CRTC3: variants seen among roughly 807,000 people sequenced by gnomAD.
CRTC3 encodes CREB regulated transcription coactivator 3.
Under a neutral mutation model 74.5 loss-of-function variants are expected in CRTC3, and 26 were observed. The observed-to-expected ratio is 0.35, with a 90% CI of 0.26 to 0.48. The LOEUF is 0.48. Ranked by LOEUF, CRTC3 falls within the 20% of genes least tolerant of loss-of-function variation. The probability of loss-of-function intolerance (pLI) is 0.99; values close to 1 mark genes in which losing one functional copy is unlikely to be tolerated. For synonymous variants in CRTC3, 377 were observed against 325.8 expected, an observed-to-expected ratio of 1.16 and a Z score of -1.69; for missense variants, 760 against 787.3, an observed-to-expected ratio of 0.97 and a Z score of 0.41.
intron 5 of CRTC3, among the ~76,000 whole-genome samples, chr15:90,605,669 G>T (rs189482063): frequency 2.0e-5 from 3 of 152,284 alleles, no homozygotes; most frequent in Admixed American, 2.0e-4. Context: ...CGCTCTTTCT[G>T]TTGCACTGTG....
intron 2 of CRTC3, among the ~76,000 whole-genome samples, chr15:90,574,816 T>A (rs959949532): frequency 1.3e-5 from 2 of 152,238 alleles, no homozygotes. Flanking sequence ...TGTTTTTTCC[T>A]GTTTATGAAC....
At chr15:90,624,853 G>C (rs1236202708) in intron 9 of CRTC3, 3 of 152,766 alleles carry the variant, frequency 2.0e-5, no homozygotes, top group Non-Finnish European at 4.4e-5. Context: ...ACTAGGCCTG[G>C]GGGGTGGCTA....
rs901691782 is a variant in CRTC3, at chr15:90,644,726, T to C, written c.*2586T>C. On this transcript the variant is annotated 3_prime_UTR_variant, in exon 15 of 15. Transcript: ENST00000268184. ...GGACTCACCACGGGCAGGGTCGCCC[T>C]GGCCCACAGCACGTGAGCCTGCACT... is the stretch of plus-strand genomic sequence containing the variant. The C allele has an allele frequency of 4.3e-6, 1 of 232,540 alleles. No individual in the cohort carries two copies. Among genetic ancestry groups the C allele is most frequent in the African/African-American group, 2.2e-5 (1 of 45,316 alleles). 14.4% of individuals were successfully genotyped at this position (232,540 alleles called of 1,614,324 possible). A position where few individuals can be genotyped will look rare whatever the true frequency, so the allele number is the denominator to read the frequency against.
rs1379758424 is a variant in CRTC3, at chr15:90,591,189, C to A, written c.232-2447C>A. On this transcript the variant is annotated intron_variant, in intron 2 of 14. Coordinates refer to ENST00000268184, the MANE Select transcript of CRTC3 (RefSeq NM_022769.5). ...GTGTTACCCAGGCTGGTCTTGAACT[C>A]CTGGCCTCAAGTGGTCCTCCCACCT... Among the ~76,000 whole-genome samples, 4 of 151,768 alleles carry A rather than the reference C, an allele frequency of 2.6e-5. No homozygotes were observed. The East Asian group carries it at 7.7e-4, about 29-fold the overall frequency.
At chr15:90,632,442 AG>A (rs1167337301) in intron 11 of CRTC3, among the ~76,000 whole-genome samples, 1 of 152,222 alleles carries the variant, frequency 6.6e-6, no homozygotes, top group Non-Finnish European at 1.5e-5. Flanking sequence ...TCTTAAAAAA[AG>A]GAAATTTTAA....
At chr15:90,599,800 A>G (rs1473729459) in intron 3 of CRTC3, among the ~76,000 whole-genome samples, 1 of 152,248 alleles carries the variant, frequency 6.6e-6, no homozygotes, top group African/African-American at 2.4e-5. Flanking sequence ...TCTAATTTGT[A>G]TTATCAGTAC....
chr15:90,604,489 T>C, intron 5 of CRTC3, 42 bp downstream of exon 5: 1 of 1,428,404 alleles, frequency 7.0e-7, no homozygotes, highest in South Asian at 1.1e-5. Flanking sequence ...TTTAAAGCAA[T>C]TTAACTGTCC....
At position 90,641,081 on chromosome 15, in the gene CRTC3, C is replaced by A; in HGVS notation, c.1549-16C>A. The A allele has an allele frequency of 1.3e-6, 2 of 1,572,036 alleles. No homozygotes were observed. Among genetic ancestry groups the A allele is most frequent in the Non-Finnish European group, 1.8e-6 (2 of 1,141,938 alleles). On this transcript the variant is annotated splice_polypyrimidine_tract_variant and intron_variant, in intron 13 of 14. Transcript: ENST00000268184. ...CAGAGGTGTGGCCTTCCTCACATGA[C>A]CTTCGATGCTTCCAGGTGCCTCTGG...
intron 11 of CRTC3, among the ~76,000 whole-genome samples, chr15:90,636,587 C>A (rs1969246532): frequency 6.6e-6 from 1 of 151,992 alleles, no homozygotes; most frequent in South Asian, 2.1e-4. Flanking sequence ...AGCTTCTGCA[C>A]AGCAAAAGAA....
At chr15:90,628,946 C>T (rs1968936409) in intron 10 of CRTC3, among the ~76,000 whole-genome samples, 1 of 152,152 alleles carries the variant, frequency 6.6e-6, no homozygotes, top group East Asian at 1.9e-4. Context: ...ATATTTGCCT[C>T]TGTTACCCCG....
At chr15:90,570,158 T>C (rs1967228594) in intron 2 of CRTC3, among the ~76,000 whole-genome samples, 1 of 152,204 alleles carries the variant, frequency 6.6e-6, no homozygotes, top group African/African-American at 2.4e-5. Context: ...CTTTAGTGTC[T>C]TTTTGACATT....
At chr15:90,535,950 G>A (rs187399124) in intron 1 of CRTC3, among the ~76,000 whole-genome samples, 3 of 152,314 alleles carry the variant, frequency 2.0e-5, no homozygotes, top group African/African-American at 7.2e-5. Context: ...CACAGTGAAT[G>A]TCTGTATACT....
intron 1 of CRTC3, among the ~76,000 whole-genome samples, chr15:90,539,332 C>T (rs1161510852): frequency 1.3e-5 from 2 of 152,172 alleles, no homozygotes; most frequent in Non-Finnish European, 2.9e-5. Flanking sequence ...CCATTTTATA[C>T]CTATTGAATT....
At chr15:90,585,485 T>TATCA (rs1967638579) in intron 2 of CRTC3, among the ~76,000 whole-genome samples, 2 of 152,080 alleles carry the variant, frequency 1.3e-5, no homozygotes, top group Non-Finnish European at 2.9e-5. Flanking sequence ...CTTCTGTATA[T>TATCA]ATCAGTACAA....
Position 90,530,046 on chromosome 15 carries a change from G to A in CRTC3, c.-26G>A, listed in dbSNP as rs904805670. ...ACAGGCCCCACGGCCGCCGTCTCCC[G>A]CTTCTGCCCGCGCAGAGTCCGCGCC... On this transcript the variant is annotated 5_prime_UTR_variant, in exon 1 of 15. Transcript: ENST00000268184. This position sits in a 1 kb window ranked among gnomAD's most constrained non-coding sequence, Gnocchi z 6.2. The A allele has an allele frequency of 3.6e-6, 5 of 1,399,436 alleles. No individual in the cohort carries two copies. The African/African-American group carries it at 7.7e-5, about 21-fold the overall frequency. The allele number at this position is 1,399,436 out of a possible 1,614,324, so 86.7% of individuals were successfully genotyped here. A position where few individuals can be genotyped will look rare whatever the true frequency, so the allele number is the denominator to read the frequency against.
rs371897126 is a variant in CRTC3, at chr15:90,536,892, A to G, written c.133-3147A>G. 1.2e-4 allele frequency among the ~76,000 whole-genome samples: 19 copies of G among 152,342 alleles called. No individual in the cohort carries two copies. In the East Asian group the frequency reaches 3.3e-3, roughly 26 times the overall value. ...TCATCCAGCGATGCCATGCAAGAAC[A>G]TGGGTTCAGTGTTGTCTGATCTTTC... On this transcript the variant is annotated intron_variant, in intron 1 of 14. Transcript: ENST00000268184.
chr15:90,544,888 C>T (rs1966841800), intron 2 of CRTC3, among the ~76,000 whole-genome samples: 1 of 152,170 alleles, frequency 6.6e-6, no homozygotes, highest in Admixed American at 6.6e-5. Flanking sequence ...TCTTCTAAAA[C>T]CATTTTTAAA....
intron 2 of CRTC3, among the ~76,000 whole-genome samples, chr15:90,546,331 T>C (rs1419188730): frequency 1.3e-5 from 2 of 152,236 alleles, no homozygotes; most frequent in African/African-American, 4.8e-5. Context: ...GGTACCTTTG[T>C]TGAAAATCAA....
In CRTC3 at chr15:90,564,277, C is replaced by G. The variant is rs541543903; in HGVS notation, c.231+24140C>G. On this transcript the variant is annotated intron_variant, in intron 2 of 14. Coordinates refer to ENST00000268184, the MANE Select transcript of CRTC3 (RefSeq NM_022769.5). ...TTTCTCTGAATGCAGAAGTTGAAAC[C>G]TGTTGAGGAAATTCAACCAGAGTAT... Among the ~76,000 whole-genome samples, 28 of 152,334 alleles carry G rather than the reference C, an allele frequency of 1.8e-4. No homozygotes were observed. In the South Asian group the frequency reaches 5.6e-3, roughly 30 times the overall value.
Sources: allele counts gnomAD v4.1 joint callset (sites outside exome capture counted in the v4.1 genomes callset), GRCh38; gene constraint gnomAD v4.1.1; non-coding constraint Gnocchi (gnomAD v3.1); transcripts MANE v1.5; gene names NCBI Gene and HGNC (gene_info 2026-07-23, HGNC 2026-07-21).